Variants in NLRC4 observed in about 807,000 individuals in gnomAD.
NLRC4 encodes the protein NLR family CARD domain containing 4, also known as NLR family CARD domain-containing protein 4.
Under a neutral mutation model 79.9 loss-of-function variants are expected in NLRC4, and 63 were observed. That is an observed-to-expected ratio of 0.79 (90% CI 0.64 to 0.97). The LOEUF is 0.97. NLRC4 is among the 50% of genes least tolerant of loss of function. The probability of loss-of-function intolerance (pLI) is 0.00; values close to 1 mark genes in which losing one functional copy is unlikely to be tolerated. For synonymous variants in NLRC4, 461 were observed against 456.5 expected, an observed-to-expected ratio of 1.01 and a Z score of -0.12; for missense variants, 1,074 against 1,215.2, an observed-to-expected ratio of 0.88 and a Z score of 1.73.
chr2:32,233,118 A>T (rs1573471416), intron 8 of NLRC4, among the ~76,000 whole-genome samples: 1 of 107,648 alleles, frequency 9.3e-6, no homozygotes, highest in South Asian at 3.6e-4. Flanking sequence ...AAAGAGAAAG[A>T]GAGGGGTGGG....
In NLRC4 at chr2:32,249,743, G is replaced by T. The variant is rs779479473; in HGVS notation, c.2121C>A (p.Val707=). The change falls in exon 4 of 9, where the codon GTC becomes GTA. Residue 707 remains valine, a synonymous_variant. Coordinates refer to ENST00000402280, the MANE Select transcript of NLRC4 (RefSeq NM_001199138.2). ...CAGVAGSLSL[V]LSTCKNIYSL... ...AATAAATGTTCTTACAGGTGCTGAG[G>T]ACCAAACTGAGGCTTCCAGCCACAC... is the stretch of plus-strand genomic sequence containing the variant. 4.3e-6 allele frequency: 7 copies of T among 1,614,150 alleles called. No homozygotes were observed. In the South Asian group the frequency reaches 5.5e-5, roughly 13 times the overall value.
chr2:32,251,359 C>G lies in NLRC4; in HGVS notation c.505G>C (p.Gly169Arg). ...GTGGACTTGCCTTTGCCAGATTCCC[C>G]TTCAATGATGCAGGGGCTCTGAAGA... ...QALQSPCIIE[G>R]ESGKGKSTLL... is the part of the protein sequence containing the mutation. The change falls in exon 4 of 9, where the codon GGG becomes CGG. Residue 169 changes from glycine to arginine, a missense_variant. Physicochemically the swap from Gly to Arg is moderately radical, Grantham distance 125 (BLOSUM62 -2). Transcript: ENST00000402280. The G allele has an allele frequency of 6.2e-7, 1 of 1,614,130 alleles. No homozygotes were observed. Among genetic ancestry groups the G allele is most frequent in the Non-Finnish European group, 8.5e-7 (1 of 1,180,020 alleles).
Position 32,238,795 on chromosome 2 carries a change from C to T in NLRC4, c.2351-493G>A, listed in dbSNP as rs1322647363. 3.3e-5 allele frequency among the ~76,000 whole-genome samples: 5 copies of T among 152,050 alleles called. No homozygotes were observed. The East Asian group carries it at 7.7e-4, about 23-fold the overall frequency. ...CCTGCCTGAAGCTTTAGAATGAAGA[C>T]CACATCCACTGCAGCATGTTTAACC... On this transcript the variant is annotated intron_variant, in intron 5 of 8. Coordinates refer to ENST00000402280, the MANE Select transcript of NLRC4 (RefSeq NM_001199138.2).
In NLRC4 at chr2:32,261,321, G is replaced by GT. The variant is rs1163830201; in HGVS notation, c.-119+3416dup. Among the ~76,000 whole-genome samples, 72 of 79,354 alleles carry GT rather than the reference G, an allele frequency of 9.1e-4. 7 individuals are homozygous for GT. The highest frequency in any genetic ancestry group is 3.4e-3 in the South Asian group (9 of 2,644). 52.1% of individuals were successfully genotyped at this position (79,354 alleles called of 152,430 possible). Reference sequence around the variant, plus strand: ...TCGCCTATTAAGCCTCCCCCCTTTTGTTTTTTTTTGAGATGGAGCCTCGCT... The same window carrying GT: ...TCGCCTATTAAGCCTCCCCCCTTTTGTTTTTTTTTTGAGATGGAGCCTCGCT... On this transcript the variant is annotated intron_variant, in intron 1 of 8. Transcript: ENST00000402280.
At chr2:32,244,167 T>G (rs1035614747) in intron 4 of NLRC4, among the ~76,000 whole-genome samples, 21 of 152,122 alleles carry the variant, frequency 1.4e-4, no homozygotes, top group Non-Finnish European at 2.8e-4. Context: ...GGTGGATCTG[T>G]TGAGCCCAGG....
chr2:32,249,074 T>G (rs1385970850), intron 4 of NLRC4, among the ~76,000 whole-genome samples: 1 of 152,188 alleles, frequency 6.6e-6, no homozygotes, highest in Non-Finnish European at 1.5e-5. Context: ...TGAAAAGAAC[T>G]TCTGAAGTAT....
In NLRC4 at chr2:32,241,094, C is replaced by A; in HGVS notation, c.2289G>T (p.Lys763Asn). 6.2e-7 allele frequency: 1 copy of A among 1,609,194 alleles called. No homozygotes were observed. The highest frequency in any genetic ancestry group is 8.5e-7 in the Non-Finnish European group (1 of 1,177,284). Residue 763 changes from lysine to asparagine, a missense_variant, in exon 5 of 9, where the codon AAG becomes AAT. Coordinates refer to ENST00000402280, the MANE Select transcript of NLRC4 (RefSeq NM_001199138.2). ...GGLTDSLGNL[K>N]NLTKLIMDNI... ...TATCCATTATGAGCTTTGTAAGGTT[C>A]TTCAAGTTACCCAAGCTGTCAGTCA...
At chr2:32,255,259 A>T (rs969197590) in intron 2 of NLRC4, among the ~76,000 whole-genome samples, 1 of 152,038 alleles carries the variant, frequency 6.6e-6, no homozygotes, top group African/African-American at 2.4e-5. Flanking sequence ...AGTGGCTCAC[A>T]CCTGTAATCC....
intron 8 of NLRC4, among the ~76,000 whole-genome samples, chr2:32,228,422 C>T (rs1057241452): frequency 1.3e-5 from 2 of 152,172 alleles, no homozygotes; most frequent in African/African-American, 4.8e-5. Context: ...CTCCCTTAGA[C>T]ACACAGAACT....
chr2:32,260,050 G>A (rs568718282), intron 1 of NLRC4, among the ~76,000 whole-genome samples: 29 of 151,978 alleles, frequency 1.9e-4, no homozygotes, highest in Admixed American at 1.2e-3. Context: ...CCAACATGGC[G>A]AAACCCTGTC....
At chr2:32,259,124 C>T (rs1288138898) in intron 1 of NLRC4, among the ~76,000 whole-genome samples, 1 of 152,016 alleles carries the variant, frequency 6.6e-6, no homozygotes, top group Admixed American at 6.6e-5. Context: ...GAGACAGGGT[C>T]TCACTCTGTC....
In NLRC4 at chr2:32,250,847, G is replaced by C. The variant is rs1291852354; in HGVS notation, c.1017C>G (p.Leu339=). 6.2e-7 allele frequency: 1 copy of C among 1,614,214 alleles called. No homozygotes were observed. The highest frequency in any genetic ancestry group is 8.5e-7 in the Non-Finnish European group (1 of 1,180,032). ...GGATTGCACAAGTGATGACCACAAAGAGAGGGGTCTTCATGAGATTCCTCA... is the reference window on the plus strand; with the variant it reads ...GGATTGCACAAGTGATGACCACAAACAGAGGGGTCTTCATGAGATTCCTCA... ...RCLRNLMKTP[L]FVVITCAIQM... Residue 339 remains leucine, a synonymous_variant, in exon 4 of 9, where the codon CTC becomes CTG. Coordinates refer to ENST00000402280, the MANE Select transcript of NLRC4 (RefSeq NM_001199138.2). This position sits in a 1 kb window ranked among gnomAD's most constrained non-coding sequence, Gnocchi z 4.9.
At chr2:32,245,563 A>G (rs1411646216) in intron 4 of NLRC4, among the ~76,000 whole-genome samples, 1 of 152,176 alleles carries the variant, frequency 6.6e-6, no homozygotes, top group Non-Finnish European at 1.5e-5. Flanking sequence ...TGATAGCACA[A>G]CATAGTATCT....
At chr2:32,243,248 A>C (rs1166942391) in intron 4 of NLRC4, among the ~76,000 whole-genome samples, 1 of 150,812 alleles carries the variant, frequency 6.6e-6, no homozygotes, top group Non-Finnish European at 1.5e-5. Flanking sequence ...GTCTCTACTA[A>C]AAATACAAAA....
At chr2:32,233,349 A>ATATATATATATATATT (rs1418146489) in intron 8 of NLRC4, among the ~76,000 whole-genome samples, 3 of 41,094 alleles carry the variant, frequency 7.3e-5, no homozygotes, top group Non-Finnish European at 1.3e-4. Flanking sequence ...ATATATATAT[A>ATATATATATATATATT]TTTTTTTTTT....
Position 32,250,323 on chromosome 2 carries a change from T to G in NLRC4, c.1541A>C (p.Gln514Pro). 6.2e-7 allele frequency: 1 copy of G among 1,614,178 alleles called. No homozygotes were observed. The highest frequency in any genetic ancestry group is 1.7e-4 in the Middle Eastern group (1 of 6,060). ...GGAAAGTCCGAGAAGGCAGCCGTGT[T>G]GATACACTGCTGCGAGGTGCTTCAT... is the stretch of plus-strand genomic sequence containing the variant. ...AVMKHLAAVY[Q>P]HGCLLGLSIA... The change falls in exon 4 of 9, where the codon CAA (glutamine) becomes CCA (proline). Residue 514 changes from glutamine (Q) to proline (P), a missense_variant. Physicochemically the swap from Gln to Pro is moderately conservative, Grantham distance 76 (BLOSUM62 -1). Transcript: ENST00000402280. The surrounding 1 kb of genome is among the most constrained non-coding windows in gnomAD (Gnocchi z 4.9).
chr2:32,261,424 G>C (rs1687348331), intron 1 of NLRC4, among the ~76,000 whole-genome samples: 1 of 146,520 alleles, frequency 6.8e-6, no homozygotes, highest in Non-Finnish European at 1.5e-5. Context: ...CGATTCTCCT[G>C]CCTCAGCCTC....
intron 2 of NLRC4, among the ~76,000 whole-genome samples, chr2:32,253,805 A>T (rs2148944596): frequency 6.6e-6 from 1 of 151,928 alleles, no homozygotes; most frequent in East Asian, 2.0e-4. Context: ...TCTCTACTAA[A>T]AATGCAAAAT....
chr2:32,251,546 C>T lies in NLRC4; in HGVS notation c.318G>A (p.Lys106=). Residue 106 remains lysine, a synonymous_variant, in exon 4 of 9, where the codon AAG becomes AAA. Transcript: ENST00000402280. The part of the protein sequence containing the change: ...GDLDDLAQDL[K]DLYHTPSFLN... Reference sequence around the variant, plus strand: ...GAAAAGATGGGGTATGGTACAAGTCCTTTAAATCCTGAGCCAAATCGTCCA... The same window carrying T: ...GAAAAGATGGGGTATGGTACAAGTCTTTTAAATCCTGAGCCAAATCGTCCA... The T allele has an allele frequency of 3.7e-6, 6 of 1,612,576 alleles. No individual in the cohort carries two copies. The highest frequency in any genetic ancestry group is 5.1e-6 in the Non-Finnish European group (6 of 1,179,408).
Sources: gnomAD v4.1 joint callset for allele counts (sites outside exome capture counted in the v4.1 genomes callset) on GRCh38, gnomAD v4.1.1 for gene constraint, Gnocchi (gnomAD v3.1) non-coding constraint, MANE v1.5 for transcripts, NCBI Gene and HGNC (gene_info 2026-07-23, HGNC 2026-07-21) for gene names.